RNLS: variants seen among roughly 807,000 people sequenced by gnomAD.
RNLS encodes the protein renalase.
In RNLS, 39 loss-of-function variants were observed where a neutral mutation model predicts 39.8. That is an observed-to-expected ratio of 0.98 (90% CI 0.76 to 1.28). The LOEUF (loss-of-function observed/expected upper bound fraction) is 1.28, where lower values mean the gene tolerates loss of function less well. Ranked by LOEUF, RNLS falls within the 50% of genes most tolerant of loss-of-function variation. The pLI, the probability that RNLS is intolerant of heterozygous loss-of-function variation, is 0.00. For missense variants in RNLS, 410 were observed against 413.3 expected (o/e 0.99, Z 0.07); for synonymous variants, 147 against 150.7 (o/e 0.98, Z 0.18).
chr10:88,309,267 G>T, intron 6 of RNLS: 2 of 308,242 alleles, frequency 6.5e-6, no homozygotes, highest in Non-Finnish European at 9.5e-6. Flanking sequence ...GCGTACCCCT[G>T]AACTTAAAAG....
chr10:88,473,284 G>A (rs1357616485), intron 4 of RNLS, among the ~76,000 whole-genome samples: 1 of 152,132 alleles, frequency 6.6e-6, no homozygotes, highest in Non-Finnish European at 1.5e-5. Context: ...GGTGAAAATA[G>A]GAAGAAGAAA....
intron 4 of RNLS, among the ~76,000 whole-genome samples, chr10:88,393,826 T>C (rs1392497471): frequency 1.3e-5 from 2 of 152,162 alleles, no homozygotes; most frequent in East Asian, 3.8e-4. Context: ...AACAGCATCA[T>C]ACTGGTACCA....
the RNLS span, among the ~76,000 whole-genome samples, chr10:88,190,552 A>T: frequency 6.6e-6 from 1 of 152,226 alleles, no homozygotes; most frequent in Non-Finnish European, 1.5e-5. Flanking sequence ...ATGAACCCAC[A>T]TGTAATAAAA....
chr10:88,436,878 T>C lies in RNLS; in HGVS notation c.527-74153A>G, dbSNP rs184007504. 4.6e-5 allele frequency among the ~76,000 whole-genome samples: 7 copies of C among 152,348 alleles called. No homozygotes were observed. In the East Asian group the frequency reaches 7.7e-4, roughly 17 times the overall value. ...CCCAATAATAAAATCAGTTTGCAGATACAATCTACATTTCCATATATTATT... is the reference window on the plus strand; with the variant it reads ...CCCAATAATAAAATCAGTTTGCAGACACAATCTACATTTCCATATATTATT... On this transcript the variant is annotated intron_variant, in intron 4 of 6. Coordinates refer to ENST00000331772, the MANE Select transcript of RNLS (RefSeq NM_001031709.3).
intron 4 of RNLS, among the ~76,000 whole-genome samples, chr10:88,499,928 A>G (rs1427157876): frequency 6.6e-6 from 1 of 152,166 alleles, no homozygotes; most frequent in Non-Finnish European, 1.5e-5. Context: ...GAGGGTAAGC[A>G]ATACTTTTTG....
intron 5 of RNLS, among the ~76,000 whole-genome samples, chr10:88,335,336 G>C (rs1435492802): frequency 1.3e-5 from 2 of 151,708 alleles, no homozygotes; most frequent in Admixed American, 6.6e-5. Flanking sequence ...TCCCACCTCA[G>C]CCTCTCAAGT....
chr10:88,181,789 G>T, the RNLS span, among the ~76,000 whole-genome samples: 6 of 152,236 alleles, frequency 3.9e-5, 1 homozygote, highest in African/African-American at 1.4e-4. Context: ...ATTGGTTCTA[G>T]CTATTTGGTT....
intron 4 of RNLS, among the ~76,000 whole-genome samples, chr10:88,375,030 G>GTA (rs1459174601): frequency 6.6e-6 from 1 of 152,072 alleles, no homozygotes; most frequent in Non-Finnish European, 1.5e-5. Context: ...CCTTCTTAAA[G>GTA]TATATATATC....
intron 4 of RNLS, among the ~76,000 whole-genome samples, chr10:88,397,341 T>G (rs1340424128): frequency 1.3e-5 from 2 of 151,928 alleles, no homozygotes; most frequent in Non-Finnish European, 2.9e-5. Flanking sequence ...TTGGAAAATT[T>G]ACAAATACAT....
chr10:88,199,847 C>T, the RNLS span, among the ~76,000 whole-genome samples: 2 of 152,162 alleles, frequency 1.3e-5, no homozygotes, highest in African/African-American at 2.4e-5. Flanking sequence ...TCTTCCCTTC[C>T]CTGACGAGTG....
intron 6 of RNLS, among the ~76,000 whole-genome samples, chr10:88,309,642 A>C (rs1261499182): frequency 6.6e-6 from 1 of 152,238 alleles, no homozygotes; most frequent in African/African-American, 2.4e-5. Context: ...TCCTTGTTTA[A>C]GAGGTGGGAG....
chr10:88,504,937 A>C (rs1174776330), intron 4 of RNLS, among the ~76,000 whole-genome samples: 1 of 151,664 alleles, frequency 6.6e-6, no homozygotes, highest in Admixed American at 6.6e-5. Flanking sequence ...TGGGGATGCC[A>C]ATAGGATCTG....
chr10:88,333,603 A>C (rs923120995), intron 5 of RNLS, among the ~76,000 whole-genome samples: 7 of 152,212 alleles, frequency 4.6e-5, no homozygotes, highest in Non-Finnish European at 1.0e-4. Flanking sequence ...ATGGTTTACT[A>C]GTCTTTCAGA....
At chr10:88,556,005 T>C (rs1848853790) in intron 4 of RNLS, among the ~76,000 whole-genome samples, 1 of 152,156 alleles carries the variant, frequency 6.6e-6, no homozygotes, top group Admixed American at 6.6e-5. Flanking sequence ...ACCTTCTATA[T>C]TCAACTGCAT....
intron 4 of RNLS, among the ~76,000 whole-genome samples, chr10:88,510,721 G>A (rs1209035149): frequency 6.6e-6 from 1 of 151,744 alleles, no homozygotes; most frequent in East Asian, 1.9e-4. Context: ...GTGCGCGCCT[G>A]TAATACACCC....
At chr10:88,331,771 G>A (rs1386435466) in intron 5 of RNLS, among the ~76,000 whole-genome samples, 1 of 152,104 alleles carries the variant, frequency 6.6e-6, no homozygotes, top group African/African-American at 2.4e-5. Flanking sequence ...TGGCTCAACT[G>A]CCCTCTAGCC....
intron 3 of RNLS, 141 bp from the exon 4 acceptor site, chr10:88,573,202 T>G: frequency 1.4e-6 from 1 of 708,686 alleles, no homozygotes; most frequent in Non-Finnish European, 2.2e-6. Flanking sequence ...TCTCTTCCTT[T>G]ACTTTCTTTC....
At chr10:88,561,339 C>T (rs1029814071) in intron 4 of RNLS, among the ~76,000 whole-genome samples, 12 of 152,092 alleles carry the variant, frequency 7.9e-5, no homozygotes, top group African/African-American at 2.2e-4. Flanking sequence ...AAAACAATGA[C>T]GATATTGCAA....
At chr10:88,473,951 G>A (rs1486017217) in intron 4 of RNLS, among the ~76,000 whole-genome samples, 2 of 152,078 alleles carry the variant, frequency 1.3e-5, no homozygotes, top group Non-Finnish European at 2.9e-5. Context: ...TCCAGAATAT[G>A]CAGCTTTCCT....
Sources: allele counts gnomAD v4.1 joint callset (sites outside exome capture counted in the v4.1 genomes callset), GRCh38; gene constraint gnomAD v4.1.1; transcripts MANE v1.5; gene names NCBI Gene and HGNC (gene_info 2026-07-23, HGNC 2026-07-21).